The following CPED1 variants were observed in gnomAD, a reference collection of about 807,000 sequenced individuals.
The protein encoded by CPED1 is cadherin-like and PC-esterase domain-containing protein 1.
Under a neutral mutation model 128.2 loss-of-function variants are expected in CPED1, and 114 were observed. That is an observed-to-expected ratio of 0.89 (90% CI 0.76 to 1.04). The LOEUF (loss-of-function observed/expected upper bound fraction) is 1.04. Among genes scored for constraint, CPED1 ranks in the 50% least tolerant of loss-of-function variants. CPED1 has a pLI of 0.00. For missense variants in CPED1, 1,211 were observed against 1,207.1 expected (o/e 1.00, Z -0.05); for synonymous variants, 462 against 426.7 (o/e 1.08, Z -1.02).
intron 16 of CPED1, among the ~76,000 whole-genome samples, chr7:121,155,153 TCTAA>T (rs1266789610): frequency 6.6e-6 from 1 of 151,968 alleles, no homozygotes; most frequent in African/African-American, 2.4e-5. Context: ...TAGGAATCAA[TCTAA>T]CTAAAGAAAT....
At chr7:121,055,696 A>G (rs903864768) in intron 4 of CPED1, among the ~76,000 whole-genome samples, 4 of 151,688 alleles carry the variant, frequency 2.6e-5, no homozygotes, top group Admixed American at 6.6e-5. Flanking sequence ...TTTGTTGATC[A>G]CAAGGCCCAT....
intron 4 of CPED1, among the ~76,000 whole-genome samples, chr7:121,047,701 T>TCCTCCTCC (rs1793244556): frequency 7.9e-5 from 3 of 37,736 alleles, no homozygotes; most frequent in African/African-American, 1.8e-4. Context: ...CTTCTTCTTC[T>TCCTCCTCC]TCTTCTTCTT....
At chr7:121,255,295 T>A (rs1314458960) in intron 18 of CPED1, among the ~76,000 whole-genome samples, 2 of 152,080 alleles carry the variant, frequency 1.3e-5, no homozygotes, top group African/African-American at 4.8e-5. Context: ...ATAAAAAGAA[T>A]GAAAGCAAAA....
intron 16 of CPED1, among the ~76,000 whole-genome samples, chr7:121,215,151 C>G (rs1236382415): frequency 2.0e-5 from 3 of 151,984 alleles, no homozygotes; most frequent in South Asian, 2.1e-4. Flanking sequence ...ATGGTTATGA[C>G]AGGTGAGCTC....
chr7:121,038,091 A>T lies in CPED1; in HGVS notation c.434-8796A>T, dbSNP rs144457089. 2.4e-4 allele frequency among the ~76,000 whole-genome samples: 36 copies of T among 152,280 alleles called. No homozygotes were observed. The East Asian group carries it at 6.9e-3, about 29-fold the overall frequency. ...AATCATATCATCAGCAAGCAGCGAC[A>T]GTTTGACTTCCTCTTTGCCAATTTG... On this transcript the variant is annotated intron_variant, in intron 3 of 22. Coordinates refer to ENST00000310396, the MANE Select transcript of CPED1 (RefSeq NM_024913.5).
chr7:121,015,631 T>C (rs1328292654), intron 2 of CPED1, 34 bp from the exon 3 acceptor site: 3 of 1,566,448 alleles, frequency 1.9e-6, no homozygotes, highest in Non-Finnish European at 2.6e-6. Context: ...TGTACTACTT[T>C]TTTATATTGA....
chr7:121,178,043 C>G (rs113065337), intron 16 of CPED1, among the ~76,000 whole-genome samples: 1 of 152,012 alleles, frequency 6.6e-6, no homozygotes, highest in Non-Finnish European at 1.5e-5. Context: ...GAAGTATTCA[C>G]GAGGAGGGGC....
chr7:121,065,342 AT>A (rs1260296473), intron 5 of CPED1, among the ~76,000 whole-genome samples: 1 of 152,068 alleles, frequency 6.6e-6, no homozygotes, highest in Non-Finnish European at 1.5e-5. Context: ...CATAAGCTGA[AT>A]TTTTTTTGTT....
At chr7:121,074,717 A>G (rs1476713210) in intron 5 of CPED1, among the ~76,000 whole-genome samples, 1 of 151,842 alleles carries the variant, frequency 6.6e-6, no homozygotes, top group Admixed American at 6.6e-5. Flanking sequence ...TAGCATTAAA[A>G]TCTCACCTTT....
At chr7:121,188,483 T>G (rs903285092) in intron 16 of CPED1, among the ~76,000 whole-genome samples, 3 of 152,286 alleles carry the variant, frequency 2.0e-5, no homozygotes, top group African/African-American at 7.2e-5. Context: ...AGTCAGTTAA[T>G]CTAAATTTAA....
At chr7:121,048,291 C>A (rs1005377055) in intron 4 of CPED1, among the ~76,000 whole-genome samples, 12 of 152,174 alleles carry the variant, frequency 7.9e-5, no homozygotes, top group Admixed American at 5.9e-4. Context: ...AAAACTGACT[C>A]ATTCTTTTCC....
Position 121,266,257 on chromosome 7 carries a change from G to A in CPED1, c.2341G>A (p.Gly781Arg), listed in dbSNP as rs764939018. ...GTTCATTGGAGATTCAACCAACAGA[G>A]GGATCATGTACTATCTTATTGAAAG... ...ILFIGDSTNR[G>R]IMYYLIERLN... is the part of the protein sequence containing the mutation. Residue 781 changes from glycine to arginine, a missense_variant, in exon 19 of 23, where the codon GGG becomes AGG. Transcript: ENST00000310396. 2 of 1,612,766 alleles carry A rather than the reference G, an allele frequency of 1.2e-6. No homozygotes were observed. The highest frequency in any genetic ancestry group is 3.3e-5 in the Admixed American group (2 of 59,900).
chr7:121,261,577 A>G, intron 18 of CPED1: 1 of 1,578,286 alleles, frequency 6.3e-7, no homozygotes, highest in Non-Finnish European at 8.6e-7. Flanking sequence ...TGATGTGACC[A>G]GCTTCCAGCG....
intron 3 of CPED1, among the ~76,000 whole-genome samples, chr7:121,036,569 T>G (rs58930942): frequency 0.021 from 3,147 of 151,426 alleles, 119 homozygotes; most frequent in African/African-American, 0.072. Context: ...GTTCTACATT[T>G]TTGAAATTGC....
At chr7:121,265,799 A>T (rs190938336) in intron 18 of CPED1, among the ~76,000 whole-genome samples, 45 of 152,102 alleles carry the variant, frequency 3.0e-4, no homozygotes. Context: ...TCAAGTAGAC[A>T]CGACCTCTAT....
rs139685685 is a variant in CPED1, at chr7:121,275,971, A to G, written c.2868+4541A>G. Reference sequence around the variant, plus strand: ...AAAACTGAAATAATGACTTTTAGGGAAAAAAAAGATACAAATATGGTTAAC... The same window carrying G: ...AAAACTGAAATAATGACTTTTAGGGGAAAAAAAGATACAAATATGGTTAAC... On this transcript the variant is annotated intron_variant, in intron 22 of 22. Coordinates refer to ENST00000310396, the MANE Select transcript of CPED1 (RefSeq NM_024913.5). 1.1e-3 allele frequency among the ~76,000 whole-genome samples: 146 copies of G among 129,934 alleles called. 1 individual carries two copies. Among genetic ancestry groups the G allele is most frequent in the African/African-American group, 4.0e-3 (139 of 34,448 alleles). 85.2% of individuals were successfully genotyped at this position (129,934 alleles called of 152,430 possible).
In CPED1 at chr7:121,097,813, A is replaced by G. The variant is rs764230554; in HGVS notation, c.731A>G (p.Asp244Gly). The G allele has an allele frequency of 8.1e-6, 13 of 1,613,658 alleles. No individual in the cohort carries two copies. Among genetic ancestry groups the G allele is most frequent in the Admixed American group, 5.0e-5 (3 of 59,958 alleles). The change falls in exon 6 of 23, where the codon GAC (aspartate) becomes GGC (glycine). Residue 244 changes from aspartate to glycine, a missense_variant. Asp to Gly is a moderately conservative substitution (Grantham distance 94). Transcript: ENST00000310396. ...AAGCCACGTGTGTGGAAACCAGGGG[A>G]CTGGAGTCGTGAACAGCTGTAAGCT... ...TVKPRVWKPG[D>G]WSREQLNETT...
At chr7:121,078,498 G>GAAAAA (rs529856618) in intron 5 of CPED1, among the ~76,000 whole-genome samples, 2 of 101,926 alleles carry the variant, frequency 2.0e-5, no homozygotes, top group Admixed American at 1.1e-4. Flanking sequence ...AAGAAAGAAA[G>GAAAAA]AAAAAAAAAA....
At chr7:121,260,459 G>C (rs775057725) in intron 18 of CPED1, among the ~76,000 whole-genome samples, 3 of 151,848 alleles carry the variant, frequency 2.0e-5, no homozygotes, top group Non-Finnish European at 2.9e-5. Flanking sequence ...CGTCTGACCA[G>C]TCTCAGCTTC....
Sources: gnomAD v4.1 joint callset for allele counts (sites outside exome capture counted in the v4.1 genomes callset) on GRCh38, gnomAD v4.1.1 for gene constraint, MANE v1.5 for transcripts, NCBI Gene and HGNC (gene_info 2026-07-23, HGNC 2026-07-21) for gene names.